Variants in ARID2 observed in about 807,000 individuals in gnomAD.
The protein encoded by ARID2 is AT-rich interaction domain 2, also known as AT-rich interactive domain-containing protein 2.
In ARID2, 32 loss-of-function variants were observed where a neutral mutation model predicts 184.6. The observed-to-expected ratio is 0.17, with a 90% CI of 0.13 to 0.23. The LOEUF (loss-of-function observed/expected upper bound fraction) is 0.23, where lower values mean the gene tolerates loss of function less well. ARID2 is among the 10% of genes least tolerant of loss of function. The pLI is 1.00. For synonymous variants in ARID2, 836 were observed against 772.6 expected (o/e 1.08, Z -1.36); for missense variants, 1,696 against 2,197.6 (o/e 0.77, Z 4.56).
chr12:45,899,096 A>G (rs1390169960), intron 20 of ARID2, among the ~76,000 whole-genome samples: 1 of 149,206 alleles, frequency 6.7e-6, no homozygotes, highest in Non-Finnish European at 1.5e-5. Context: ...ACATGGTGAA[A>G]CCCCATCTCT....
At chr12:45,743,150 G>A (rs539234173) in intron 3 of ARID2, among the ~76,000 whole-genome samples, 4 of 151,554 alleles carry the variant, frequency 2.6e-5, no homozygotes, top group East Asian at 3.9e-4. Context: ...TCAGGAGCTC[G>A]AGACCAGCCT....
In ARID2 at chr12:45,795,758, C is replaced by T. The variant is rs184887943; in HGVS notation, c.285-15660C>T. ...GCCTCTCTGTTCTTTTCTTTTCCTC[C>T]TATCTTGTTTGTTCTTCTCTTCTTT... On this transcript the variant is annotated intron_variant, in intron 3 of 20. Coordinates refer to ENST00000334344, the MANE Select transcript of ARID2 (RefSeq NM_152641.4). Among the ~76,000 whole-genome samples the T allele has an allele frequency of 9.9e-5, 15 of 152,098 alleles. No individual in the cohort carries two copies. The East Asian group carries it at 2.5e-3, about 25-fold the overall frequency.
intron 3 of ARID2, among the ~76,000 whole-genome samples, chr12:45,796,552 C>G (rs1030752595): frequency 3.3e-5 from 5 of 151,334 alleles, no homozygotes; most frequent in Admixed American, 3.3e-4. Flanking sequence ...ATTGCTCTGT[C>G]GTCCAGGCTG....
At chr12:45,811,247 C>T (rs571290733) in intron 3 of ARID2, among the ~76,000 whole-genome samples, 171 bp from the exon 4 acceptor site, 59 of 150,990 alleles carry the variant, frequency 3.9e-4, no homozygotes, top group Middle Eastern at 3.5e-3. Context: ...AGTTTATCTG[C>T]GGTTTATCTT....
At chr12:45,895,120 T>G (rs973281548) in intron 20 of ARID2, among the ~76,000 whole-genome samples, 1 of 152,264 alleles carries the variant, frequency 6.6e-6, no homozygotes, top group African/African-American at 2.4e-5. Flanking sequence ...CATGTCTGTC[T>G]TAAAACTTTT....
Position 45,906,085 on chromosome 12 carries a change from C to T in ARID2, c.*1007C>T, listed in dbSNP as rs1944527319. On this transcript the variant is annotated 3_prime_UTR_variant, in exon 21 of 21. Coordinates refer to ENST00000334344, the MANE Select transcript of ARID2 (RefSeq NM_152641.4). ...TTTTTGGTTTTCCTTAACATGTATC[C>T]ACTGTAAACGTTTGTCGTGTACAAG... The T allele has an allele frequency of 4.3e-6, 1 of 231,900 alleles. No homozygotes were observed. The highest frequency in any genetic ancestry group is 2.2e-5 in the African/African-American group (1 of 45,150). The allele number at this position is 231,900 out of a possible 1,614,324, so 14.4% of individuals were successfully genotyped here. A position where few individuals can be genotyped will look rare whatever the true frequency, so the allele number is the denominator to read the frequency against.
intron 6 of ARID2, among the ~76,000 whole-genome samples, chr12:45,824,375 GAC>G (rs573917292): frequency 8.4e-4 from 127 of 152,060 alleles, no homozygotes; most frequent in African/African-American, 2.9e-3. Context: ...ATAAGATGAG[GAC>G]ACTCACTTGC....
intron 4 of ARID2, among the ~76,000 whole-genome samples, chr12:45,815,613 G>A (rs1942790873): frequency 6.6e-6 from 1 of 152,078 alleles, no homozygotes; most frequent in African/African-American, 2.4e-5. Flanking sequence ...GTGTGTGTGT[G>A]TGTGTGTGTT....
chr12:45,788,159 A>G (rs920964735), intron 3 of ARID2, among the ~76,000 whole-genome samples: 2 of 152,186 alleles, frequency 1.3e-5, no homozygotes, highest in African/African-American at 4.8e-5. Context: ...TTGATTCTAT[A>G]TTACTTTGTA....
chr12:45,852,269 C>T lies in ARID2; in HGVS notation c.4146C>T (p.Ser1382=), dbSNP rs143660736. 2,182 of 1,613,886 alleles carry T rather than the reference C, an allele frequency of 1.4e-3. 4 individuals are homozygous for T. Among genetic ancestry groups the T allele is most frequent in the Non-Finnish European group, 1.7e-3 (2,048 of 1,179,978 alleles). The change falls in exon 15 of 21, where the codon TCC becomes TCT. Residue 1382 remains serine, a synonymous_variant. Transcript: ENST00000334344. ...LSKNIPNHKT[S]NHVGNGEISP... Reference sequence around the variant, plus strand: ...AAAACATTCCAAATCATAAAACTTCCAATCATGTAGGAAATGGTGAGATAT... The same window carrying T: ...AAAACATTCCAAATCATAAAACTTCTAATCATGTAGGAAATGGTGAGATAT...
intron 16 of ARID2, among the ~76,000 whole-genome samples, chr12:45,873,476 G>A (rs182416295): frequency 2.0e-5 from 3 of 151,878 alleles, no homozygotes; most frequent in Admixed American, 2.0e-4. Flanking sequence ...CCCTTTCTTC[G>A]GATATCAATC....
intron 16 of ARID2, among the ~76,000 whole-genome samples, chr12:45,882,447 C>G (rs1397610606): frequency 6.6e-6 from 1 of 152,234 alleles, no homozygotes; most frequent in African/African-American, 2.4e-5. Context: ...TGATTAAAAA[C>G]TTACAGGTAG....
At chr12:45,809,579 T>G (rs1942665500) in intron 3 of ARID2, among the ~76,000 whole-genome samples, 1 of 152,214 alleles carries the variant, frequency 6.6e-6, no homozygotes, top group Non-Finnish European at 1.5e-5. Flanking sequence ...CAGGTTGAAA[T>G]GTGTACACTT....
intron 16 of ARID2, among the ~76,000 whole-genome samples, chr12:45,882,736 G>C (rs2138219619): frequency 6.6e-6 from 1 of 152,312 alleles, no homozygotes; most frequent in East Asian, 1.9e-4. Context: ...ATGTCAGTGG[G>C]AGAAACAAAT....
chr12:45,905,269 C>T lies in ARID2; in HGVS notation c.*191C>T. 2.1e-6 allele frequency: 1 copy of T among 478,680 alleles called. No individual in the cohort carries two copies. The highest frequency in any genetic ancestry group is 3.3e-6 in the Non-Finnish European group (1 of 299,618). The allele number at this position is 478,680 out of a possible 1,614,324, so 29.7% of individuals were successfully genotyped here. A position where few individuals can be genotyped will look rare whatever the true frequency, so the allele number is the denominator to read the frequency against. ...CCCTTTGTTCTCTGTTTAAAAAAAT[C>T]TAAAAAGAAAAAGGAAAAAAAAAAA... On this transcript the variant is annotated 3_prime_UTR_variant, in exon 21 of 21. Coordinates refer to ENST00000334344, the MANE Select transcript of ARID2 (RefSeq NM_152641.4).
chr12:45,834,445 T>C (rs1393740308), intron 6 of ARID2, among the ~76,000 whole-genome samples: 2 of 152,184 alleles, frequency 1.3e-5, no homozygotes, highest in Admixed American at 6.5e-5. Flanking sequence ...AAATTCTATG[T>C]TGGCAGGCTG....
At chr12:45,873,706 GTTAA>G (rs778524466) in intron 16 of ARID2, among the ~76,000 whole-genome samples, 6 of 152,178 alleles carry the variant, frequency 3.9e-5, no homozygotes, top group South Asian at 2.1e-4. Flanking sequence ...CTATACTGTA[GTTAA>G]TTAAGTGTGC....
chr12:45,882,561 A>G (rs1253054737), intron 16 of ARID2, among the ~76,000 whole-genome samples: 3 of 152,270 alleles, frequency 2.0e-5, no homozygotes, highest in Admixed American at 6.5e-5. Flanking sequence ...GTTACACATA[A>G]AACTGCCATC....
chr12:45,875,857 T>C (rs1210260411), intron 16 of ARID2, among the ~76,000 whole-genome samples: 2 of 152,240 alleles, frequency 1.3e-5, no homozygotes, highest in Non-Finnish European at 2.9e-5. Flanking sequence ...TTTGGCTTAA[T>C]AGAATGTCTT....
Sources: gnomAD v4.1 joint callset for allele counts (sites outside exome capture counted in the v4.1 genomes callset) on GRCh38, gnomAD v4.1.1 for gene constraint, MANE v1.5 for transcripts, NCBI Gene and HGNC (gene_info 2026-07-23, HGNC 2026-07-21) for gene names.